Variants in TRIP12 observed in about 807,000 individuals in gnomAD.
The protein encoded by TRIP12 is thyroid hormone receptor interactor 12.
A neutral mutation model predicts 244.2 loss-of-function variants in TRIP12; 25 were observed. The observed-to-expected ratio is 0.10, with a 90% CI of 0.07 to 0.14. The LOEUF (loss-of-function observed/expected upper bound fraction) is 0.14, where lower values mean the gene tolerates loss of function less well. Ranked by LOEUF, TRIP12 falls within the 10% of genes least tolerant of loss-of-function variation. TRIP12 has a pLI of 1.00. For missense variants in TRIP12, 1,677 were observed against 2,486.4 expected (o/e 0.67, Z 6.92); for synonymous variants, 905 against 873.1 (o/e 1.04, Z -0.64).
Position 229,785,871 on chromosome 2 carries a change from A to AAC in TRIP12, c.4996-18_4996-17dup. 3 of 1,602,164 alleles carry AAC rather than the reference A, an allele frequency of 1.9e-6. No individual in the cohort carries two copies. The highest frequency in any genetic ancestry group is 2.6e-6 in the Non-Finnish European group (3 of 1,174,838). On this transcript the variant is annotated splice_polypyrimidine_tract_variant and intron_variant, in intron 33 of 41. Transcript: ENST00000675903. ...TCACAGTACGCTACAAAGAAAGTAC[A>AAC]ACTGTCAGGAAACTATGCTCTACCC...
rs1010692078 is a variant in TRIP12, at chr2:229,791,954, T to C, written c.4327A>G (p.Ile1443Val). 1.1e-5 allele frequency: 18 copies of C among 1,614,164 alleles called. No homozygotes were observed. The highest frequency in any genetic ancestry group is 1.7e-5 in the Admixed American group (1 of 60,030). Residue 1443 changes from isoleucine to valine, a missense_variant, in exon 29 of 42, where the codon ATA becomes GTA. Physicochemically the swap from Ile to Val is conservative, Grantham distance 29. Coordinates refer to ENST00000675903, the MANE Select transcript of TRIP12 (RefSeq NM_001348323.3). ...TVYQAVRQFS[I>V]QAEDERESTD... The stretch of plus-strand genomic sequence containing the variant: ...GATTCTCTTTCATCTTCAGCCTGTA[T>C]ACTAAACTGCCGTACTGCCTGATAC...
chr2:229,801,931 G>C (rs2044470614), intron 21 of TRIP12, among the ~76,000 whole-genome samples: 1 of 152,110 alleles, frequency 6.6e-6, no homozygotes, highest in South Asian at 2.1e-4. Flanking sequence ...TATGAAATCA[G>C]AAACCAGAAT....
chr2:229,812,613 C>A (rs2047545388), intron 13 of TRIP12, among the ~76,000 whole-genome samples: 1 of 152,052 alleles, frequency 6.6e-6, no homozygotes, highest in African/African-American at 2.4e-5. Flanking sequence ...TGAGACCAGC[C>A]TGGCCAACAT....
At chr2:229,819,085 C>CAA (rs142045437) in intron 8 of TRIP12, among the ~76,000 whole-genome samples, 17 of 109,696 alleles carry the variant, frequency 1.5e-4, no homozygotes, top group African/African-American at 4.4e-4. Context: ...CACACACACA[C>CAA]AATTATAAAC....
At chr2:229,870,466 C>T (rs1250037885) in intron 2 of TRIP12, among the ~76,000 whole-genome samples, 5 of 152,094 alleles carry the variant, frequency 3.3e-5, no homozygotes, top group Non-Finnish European at 7.4e-5. Flanking sequence ...CTGTAGTTCC[C>T]GGGGATCTCC....
chr2:229,841,093 G>A (rs1389180865), intron 4 of TRIP12, among the ~76,000 whole-genome samples, 166 bp from the exon 5 acceptor site: 1 of 152,088 alleles, frequency 6.6e-6, no homozygotes, highest in Non-Finnish European at 1.5e-5. Flanking sequence ...TAATGAAAAA[G>A]CTAATGGTAC....
At chr2:229,888,345 C>A (rs1490122878) in intron 1 of TRIP12, among the ~76,000 whole-genome samples, 1 of 151,612 alleles carries the variant, frequency 6.6e-6, no homozygotes, top group Admixed American at 6.6e-5. Context: ...TAAGAGAAAC[C>A]AAGGTAATCA....
intron 8 of TRIP12, among the ~76,000 whole-genome samples, chr2:229,821,682 T>C (rs1267665070): frequency 3.9e-5 from 6 of 152,034 alleles, no homozygotes; most frequent in African/African-American, 1.4e-4. Context: ...AGTACACAGG[T>C]AGTATAAAAA....
chr2:229,817,346 T>G (rs17257695), intron 9 of TRIP12, among the ~76,000 whole-genome samples: 20,989 of 152,238 alleles, frequency 0.14, 1,498 homozygotes, highest in Admixed American at 0.19. Flanking sequence ...TGATTTAGAC[T>G]CAAATTTTAA....
chr2:229,826,841 C>T (rs2051771446), intron 8 of TRIP12, among the ~76,000 whole-genome samples: 1 of 152,086 alleles, frequency 6.6e-6, no homozygotes, highest in African/African-American at 2.4e-5. Context: ...AGGGCACTTA[C>T]CATGAATGGA....
In TRIP12 at chr2:229,859,313, T is replaced by C. The variant is rs1030372190; in HGVS notation, c.486A>G (p.Gln162=). The C allele has an allele frequency of 3.1e-6, 5 of 1,614,118 alleles. No homozygotes were observed. Among genetic ancestry groups the C allele is most frequent in the Non-Finnish European group, 4.2e-6 (5 of 1,180,052 alleles). Reference sequence around the variant, plus strand: ...ATGGTGATTGTGCAGATTTCAGTTGTTGCTCCTGGTCTAAATGTCTCTTCT... The same window carrying C: ...ATGGTGATTGTGCAGATTTCAGTTGCTGCTCCTGGTCTAAATGTCTCTTCT... The part of the protein sequence containing the change: ...KSKKRHLDQE[Q]QLKSAQSPST... Residue 162 remains glutamine, a synonymous_variant, in exon 4 of 42, where the codon CAA becomes CAG. Transcript: ENST00000675903.
At chr2:229,843,077 C>CCTCCCTCCCTCCTTCTCTCT (rs2056846416) in intron 4 of TRIP12, among the ~76,000 whole-genome samples, 1 of 132,838 alleles carries the variant, frequency 7.5e-6, no homozygotes, top group Non-Finnish European at 1.6e-5. Context: ...CCACTCCTTC[C>CCTCCCTCCCTCCTTCTCTCT]CTCCCTCCCT....
At chr2:229,818,653 A>T (rs2049100660) in intron 8 of TRIP12, 141 bp from the exon 9 acceptor site, 1 of 699,722 alleles carries the variant, frequency 1.4e-6, no homozygotes, top group African/African-American at 1.8e-5. Flanking sequence ...GTTAAGGCTC[A>T]CTGCTAATAC....
intron 34 of TRIP12, 95 bp downstream of exon 34, chr2:229,785,658 CAACT>C (rs2039795390): frequency 9.0e-7 from 1 of 1,116,580 alleles, no homozygotes; most frequent in Non-Finnish European, 1.3e-6. Flanking sequence ...CAAAGTCTCC[CAACT>C]GTCTTTCAGA....
chr2:229,816,570 A>G (rs962270616), intron 9 of TRIP12, among the ~76,000 whole-genome samples: 1 of 152,232 alleles, frequency 6.6e-6, no homozygotes, highest in African/African-American at 2.4e-5. Flanking sequence ...GATAAAAGAT[A>G]TATCTGAAGA....
chr2:229,819,085 C>CACAA (rs1553640456), intron 8 of TRIP12, among the ~76,000 whole-genome samples: 10 of 109,696 alleles, frequency 9.1e-5, no homozygotes, highest in African/African-American at 2.7e-4. Context: ...CACACACACA[C>CACAA]AATTATAAAC....
chr2:229,836,842 A>T lies in TRIP12; in HGVS notation c.1270+6T>A. 6.3e-7 allele frequency: 1 copy of T among 1,586,278 alleles called. No individual in the cohort carries two copies. Among genetic ancestry groups the T allele is most frequent in the Non-Finnish European group, 8.5e-7 (1 of 1,171,444 alleles). On this transcript the variant is annotated splice_donor_region_variant and intron_variant, in intron 6 of 41. Coordinates refer to ENST00000675903, the MANE Select transcript of TRIP12 (RefSeq NM_001348323.3). ...CGCATTTTAAAGCTAAGAAGTACCAATCTACCTGCAGCTCCTTGGGGAGCT... is the reference window on the plus strand; with the variant it reads ...CGCATTTTAAAGCTAAGAAGTACCATTCTACCTGCAGCTCCTTGGGGAGCT...
chr2:229,792,326 T>C (rs1310963661), intron 27 of TRIP12, 100 bp from the exon 28 acceptor site: 2 of 1,150,396 alleles, frequency 1.7e-6, no homozygotes, highest in African/African-American at 1.6e-5. Context: ...AGAAAACACA[T>C]ATAGGTTGAG....
chr2:229,871,256 C>A (rs1021521165), intron 2 of TRIP12, among the ~76,000 whole-genome samples: 2 of 152,036 alleles, frequency 1.3e-5, no homozygotes, highest in Non-Finnish European at 2.9e-5. Context: ...AGAAGAGATC[C>A]TAATCCAAAC....
Sources: gnomAD v4.1 joint callset for allele counts (sites outside exome capture counted in the v4.1 genomes callset) on GRCh38, gnomAD v4.1.1 for gene constraint, MANE v1.5 for transcripts, NCBI Gene and HGNC (gene_info 2026-07-23, HGNC 2026-07-21) for gene names.